SYT1: variants seen among roughly 807,000 people sequenced by gnomAD.
SYT1 encodes the protein synaptotagmin-1.
SYT1 carries 8 observed loss-of-function variants against 44.8 expected under a neutral mutation model. The observed-to-expected ratio is 0.18, with a 90% CI of 0.10 to 0.32. The LOEUF (loss-of-function observed/expected upper bound fraction) is 0.32. Among genes scored for constraint, SYT1 ranks in the 10% least tolerant of loss-of-function variants. SYT1 has a pLI of 1.00. For synonymous variants in SYT1, 154 were observed against 188.8 expected, an observed-to-expected ratio of 0.82 and a Z score of 1.51; for missense variants, 286 against 509.3, an observed-to-expected ratio of 0.56 and a Z score of 4.22.
chr12:79,338,712 G>T (rs1882208824), intron 8 of SYT1, among the ~76,000 whole-genome samples: 1 of 128,802 alleles, frequency 7.8e-6, no homozygotes, highest in African/African-American at 2.9e-5. Context: ...GGGTACATGT[G>T]CACAATGTGC....
chr12:79,211,618 G>A (rs1021633593), intron 3 of SYT1, among the ~76,000 whole-genome samples: 2 of 121,526 alleles, frequency 1.6e-5, no homozygotes, highest in Non-Finnish European at 3.2e-5. Flanking sequence ...AGTCCCCAGA[G>A]TGTGATATTC....
intron 3 of SYT1, among the ~76,000 whole-genome samples, chr12:79,204,358 A>C (rs1465477668): frequency 6.6e-6 from 1 of 152,362 alleles, no homozygotes; most frequent in Non-Finnish European, 1.5e-5. Context: ...GTGTGACAAA[A>C]CAATGACTGT....
chr12:79,048,095 G>T (rs948100193), intron 3 of SYT1, among the ~76,000 whole-genome samples: 4 of 151,696 alleles, frequency 2.6e-5, no homozygotes, highest in Non-Finnish European at 5.9e-5. Context: ...GATGACCCAC[G>T]TTGTATCACA....
intron 9 of SYT1, among the ~76,000 whole-genome samples, chr12:79,379,107 T>C (rs1030623596): frequency 6.6e-6 from 1 of 152,172 alleles, no homozygotes; most frequent in African/African-American, 2.4e-5. Context: ...GTTCCTATCA[T>C]GTTTTTGAGA....
chr12:79,024,744 T>C, intron 2 of SYT1, among the ~76,000 whole-genome samples: 1 of 151,762 alleles, frequency 6.6e-6, no homozygotes, highest in East Asian at 1.9e-4. Flanking sequence ...GATGCTGAAA[T>C]GATGTTTTGG....
intron 3 of SYT1, among the ~76,000 whole-genome samples, chr12:79,182,438 T>G (rs1358408219): frequency 1.3e-5 from 2 of 152,008 alleles, no homozygotes; most frequent in East Asian, 3.9e-4. Context: ...TCTACTTGAG[T>G]AATTGACCAG....
At chr12:79,318,116 C>G (rs1018107582) in intron 8 of SYT1, among the ~76,000 whole-genome samples, 1 of 152,152 alleles carries the variant, frequency 6.6e-6, no homozygotes, top group Non-Finnish European at 1.5e-5. Context: ...ATTTCCATTT[C>G]TATATAAAGA....
chr12:79,164,094 C>T (rs189832032), intron 3 of SYT1, among the ~76,000 whole-genome samples: 292 of 151,964 alleles, frequency 1.9e-3, no homozygotes, highest in African/African-American at 6.7e-3. Flanking sequence ...GCTTCTTTTC[C>T]ATTAAAAAAA....
In SYT1 at chr12:78,970,701, A is replaced by G. The variant is rs145991984; in HGVS notation, c.-216-7098A>G. Among the ~76,000 whole-genome samples, 657 of 152,336 alleles carry G rather than the reference A, an allele frequency of 4.3e-3. 2 individuals carry two copies. Among genetic ancestry groups the G allele is most frequent in the Non-Finnish European group, 7.8e-3 (533 of 68,026 alleles). The stretch of plus-strand genomic sequence containing the variant: ...ATCTGCTACCACTAGCCTTTAGCAC[A>G]TACACTATAAATCAGGTTTGCAGAT... On this transcript the variant is annotated intron_variant, in intron 1 of 10. Transcript: ENST00000261205.
intron 9 of SYT1, among the ~76,000 whole-genome samples, chr12:79,361,090 C>T (rs564426350): frequency 6.6e-6 from 1 of 152,172 alleles, no homozygotes; most frequent in Admixed American, 6.5e-5. Flanking sequence ...AATCAGTCAA[C>T]AAACATCATG....
At chr12:79,065,246 T>C (rs1423724309) in intron 3 of SYT1, among the ~76,000 whole-genome samples, 1 of 152,018 alleles carries the variant, frequency 6.6e-6, no homozygotes, top group East Asian at 1.9e-4. Flanking sequence ...ATAGCCGGCA[T>C]TATAGCACAC....
At chr12:78,865,575 G>C (rs1873495678) in intron 1 of SYT1, among the ~76,000 whole-genome samples, 1 of 148,820 alleles carries the variant, frequency 6.7e-6, no homozygotes. Flanking sequence ...GGGGGGGGGG[G>C]GGAACGTAAA....
intron 3 of SYT1, among the ~76,000 whole-genome samples, chr12:79,176,629 T>A (rs1871887019): frequency 6.6e-6 from 1 of 152,082 alleles, no homozygotes; most frequent in African/African-American, 2.4e-5. Flanking sequence ...AGTTCTATAT[T>A]TTTTTAACTT....
At chr12:78,913,475 A>T (rs941858869) in intron 1 of SYT1, among the ~76,000 whole-genome samples, 1 of 151,762 alleles carries the variant, frequency 6.6e-6, no homozygotes, top group Non-Finnish European at 1.5e-5. Flanking sequence ...TCTCATAATG[A>T]TTTAAAATCC....
chr12:78,902,721 C>T (rs1875732618), intron 1 of SYT1, among the ~76,000 whole-genome samples: 1 of 151,994 alleles, frequency 6.6e-6, no homozygotes, highest in African/African-American at 2.4e-5. Flanking sequence ...TTATTTTTTT[C>T]ATTGATGTGG....
intron 9 of SYT1, among the ~76,000 whole-genome samples, chr12:79,385,216 C>G (rs1169748169): frequency 6.6e-6 from 1 of 151,778 alleles, no homozygotes; most frequent in Non-Finnish European, 1.5e-5. Context: ...TGAACTCCTG[C>G]CCTCAAGTGA....
chr12:79,105,316 G>A (rs1019941727), intron 3 of SYT1, among the ~76,000 whole-genome samples: 1 of 152,150 alleles, frequency 6.6e-6, no homozygotes, highest in Non-Finnish European at 1.5e-5. Flanking sequence ...TTAGCAACGT[G>A]TCCAGCACTA....
chr12:79,185,948 T>C (rs551241129), intron 3 of SYT1, among the ~76,000 whole-genome samples: 1 of 152,064 alleles, frequency 6.6e-6, no homozygotes, highest in African/African-American at 2.4e-5. Context: ...TGTTTTACTT[T>C]CTGACATTTT....
chr12:79,010,463 C>A (rs529727311), intron 2 of SYT1, among the ~76,000 whole-genome samples: 1 of 152,140 alleles, frequency 6.6e-6, no homozygotes. Context: ...GTATTTCCTA[C>A]TGCCTCCCTT....
Sources: allele counts gnomAD v4.1 joint callset (sites outside exome capture counted in the v4.1 genomes callset), GRCh38; gene constraint gnomAD v4.1.1; transcripts MANE v1.5; gene names NCBI Gene and HGNC (gene_info 2026-07-23, HGNC 2026-07-21).